SPATA17: variants seen among roughly 807,000 people sequenced by gnomAD.
SPATA17 encodes the protein spermatogenesis-associated protein 17.
In SPATA17, 53 loss-of-function variants were observed where a neutral mutation model predicts 62.2. The ratio of observed to expected loss-of-function variants is 0.85; its 90% CI spans 0.68 to 1.07. The LOEUF is 1.07. SPATA17 is among the 50% of genes least tolerant of loss of function. SPATA17 has a pLI of 0.00. For missense variants in SPATA17, 466 were observed against 425.5 expected, an observed-to-expected ratio of 1.10 and a Z score of -0.84; for synonymous variants, 146 against 146.8, an observed-to-expected ratio of 0.99 and a Z score of 0.04.
intron 3 of SPATA17, among the ~76,000 whole-genome samples, chr1:217,653,938 C>A (rs907646598): frequency 3.9e-5 from 6 of 151,960 alleles, no homozygotes; most frequent in East Asian, 1.9e-4. Context: ...ATTTTTATTT[C>A]ACATTTGGGT....
At chr1:217,763,856 T>A (rs895083240) in intron 6 of SPATA17, among the ~76,000 whole-genome samples, 2 of 152,124 alleles carry the variant, frequency 1.3e-5, no homozygotes, top group Non-Finnish European at 2.9e-5. Flanking sequence ...ATTCTCAGGT[T>A]TTTGACTTAA....
chr1:217,746,889 T>C (rs535058045), intron 6 of SPATA17, among the ~76,000 whole-genome samples: 1 of 152,072 alleles, frequency 6.6e-6, no homozygotes, highest in Non-Finnish European at 1.5e-5. Flanking sequence ...ATCAGAAAGC[T>C]GAATATGGTA....
intron 6 of SPATA17, among the ~76,000 whole-genome samples, chr1:217,755,188 G>A (rs1266153647): frequency 6.6e-6 from 1 of 152,044 alleles, no homozygotes; most frequent in East Asian, 1.9e-4. Flanking sequence ...TCATTTTGGT[G>A]TGATATGATT....
chr1:217,848,339 A>T (rs1424567712), intron 9 of SPATA17, among the ~76,000 whole-genome samples: 3 of 152,150 alleles, frequency 2.0e-5, no homozygotes, highest in African/African-American at 7.2e-5. Flanking sequence ...TTAGCCATTG[A>T]CCTTCAACTA....
At chr1:217,725,037 A>T (rs1672230403) in intron 5 of SPATA17, among the ~76,000 whole-genome samples, 1 of 152,132 alleles carries the variant, frequency 6.6e-6, no homozygotes, top group Admixed American at 6.5e-5. Flanking sequence ...TCTTCTTTGC[A>T]TGATTTTAAG....
At chr1:217,640,905 A>G (rs1571698248) in intron 1 of SPATA17, among the ~76,000 whole-genome samples, 1 of 152,136 alleles carries the variant, frequency 6.6e-6, no homozygotes, top group South Asian at 2.1e-4. Flanking sequence ...ATTACACATA[A>G]TAAGTGGTTA....
chr1:217,797,947 C>T (rs188609239), intron 8 of SPATA17, among the ~76,000 whole-genome samples: 20 of 152,246 alleles, frequency 1.3e-4, no homozygotes, highest in African/African-American at 4.3e-4. Flanking sequence ...TGGGATGACC[C>T]CTAGCAGCCC....
intron 5 of SPATA17, among the ~76,000 whole-genome samples, chr1:217,687,007 A>G (rs1671231286): frequency 6.6e-6 from 1 of 152,128 alleles, no homozygotes. Context: ...GCGTGAGCCA[A>G]CGTGTCCAGC....
In SPATA17 at chr1:217,867,050, G is replaced by A. The variant is rs766873306; in HGVS notation, c.*31G>A. ...TCAGAAGAAGAAACTGAAGCCATCT[G>A]CATTTTAAAACTTAACAGTTCTGAA... On this transcript the variant is annotated 3_prime_UTR_variant, in exon 11 of 11. Transcript: ENST00000366933. The A allele has an allele frequency of 2.6e-5, 4 of 151,988 alleles. No homozygotes were observed. Among genetic ancestry groups the A allele is most frequent in the Non-Finnish European group, 4.4e-5 (3 of 67,996 alleles). 9.4% of individuals were successfully genotyped at this position (151,988 alleles called of 1,614,324 possible).
intron 6 of SPATA17, among the ~76,000 whole-genome samples, chr1:217,744,889 T>C (rs1458450758): frequency 2.6e-5 from 4 of 152,158 alleles, no homozygotes; most frequent in African/African-American, 9.7e-5. Context: ...GTGATGAGGA[T>C]TAAATGTAAT....
In SPATA17 at chr1:217,647,725, A is replaced by T. The variant is rs868322770; in HGVS notation, c.69-1157A>T. 4.9e-3 allele frequency among the ~76,000 whole-genome samples: 733 copies of T among 148,612 alleles called. 6 individuals are homozygous for T. The highest frequency in any genetic ancestry group is 0.016 in the African/African-American group (642 of 40,672). On this transcript the variant is annotated intron_variant, in intron 1 of 10. Coordinates refer to ENST00000366933, the MANE Select transcript of SPATA17 (RefSeq NM_138796.4). ...CACTTTAGTCAAGCCTCTTTTTAAA[A>T]TTTTTTTTTTTATTTTGAGACAGAG...
At chr1:217,732,557 A>T (rs964774649) in intron 5 of SPATA17, among the ~76,000 whole-genome samples, 1 of 152,156 alleles carries the variant, frequency 6.6e-6, no homozygotes, top group African/African-American at 2.4e-5. Flanking sequence ...TAGTGGGTTG[A>T]TCCTCCTCCT....
At chr1:217,667,943 C>A (rs1311515120) in intron 3 of SPATA17, among the ~76,000 whole-genome samples, 1 of 152,210 alleles carries the variant, frequency 6.6e-6, no homozygotes, top group Admixed American at 6.5e-5. Context: ...GATAAATAAT[C>A]CAGCCCTGCT....
At chr1:217,654,283 A>G (rs550395214) in intron 3 of SPATA17, among the ~76,000 whole-genome samples, 16 of 151,732 alleles carry the variant, frequency 1.1e-4, no homozygotes, top group Non-Finnish European at 1.8e-4. Flanking sequence ...AATTACAGGG[A>G]CCTGCCATCA....
chr1:217,735,699 CCTT>C (rs1672497060), intron 5 of SPATA17, among the ~76,000 whole-genome samples: 1 of 152,040 alleles, frequency 6.6e-6, no homozygotes, highest in African/African-American at 2.4e-5. Context: ...ATCTATGAAG[CCTT>C]CTTACAGGAA....
chr1:217,777,299 G>A (rs1294966139), intron 7 of SPATA17, among the ~76,000 whole-genome samples: 1 of 152,054 alleles, frequency 6.6e-6, no homozygotes, highest in African/African-American at 2.4e-5. Context: ...CTGTCTTAGA[G>A]AAAGAGCTAT....
chr1:217,812,405 C>G lies in SPATA17; in HGVS notation c.1005+10555C>G, dbSNP rs887349640. ...TTAGAGCAAATAATACTATTTTTCT[C>G]AAAAGTATGAAAATCAATAATGAAA... On this transcript the variant is annotated intron_variant, in intron 9 of 10. Coordinates refer to ENST00000366933, the MANE Select transcript of SPATA17 (RefSeq NM_138796.4). 4.0e-5 allele frequency among the ~76,000 whole-genome samples: 6 copies of G among 151,860 alleles called. No homozygotes were observed. In the East Asian group the frequency reaches 1.2e-3, roughly 29 times the overall value.
rs1676047711 is a variant in SPATA17, at chr1:217,867,820, C to T, written c.*801C>T. 1 of 152,126 alleles carries T rather than the reference C, an allele frequency of 6.6e-6. No homozygotes were observed. The highest frequency in any genetic ancestry group is 1.5e-5 in the Non-Finnish European group (1 of 68,036). 9.4% of individuals were successfully genotyped at this position (152,126 alleles called of 1,614,324 possible). On this transcript the variant is annotated 3_prime_UTR_variant, in exon 11 of 11. Transcript: ENST00000366933. ...CAATAAAACTTCCTGCTAGAGGTATCCTGAGGGAATCTTTGTTTCTTGCAT... is the reference window on the plus strand; with the variant it reads ...CAATAAAACTTCCTGCTAGAGGTATTCTGAGGGAATCTTTGTTTCTTGCAT...
At chr1:217,750,481 G>A (rs1055077831) in intron 6 of SPATA17, among the ~76,000 whole-genome samples, 1 of 152,138 alleles carries the variant, frequency 6.6e-6, no homozygotes, top group African/African-American at 2.4e-5. Context: ...TATCAGTTGT[G>A]TCATTTTGCT....
Sources: allele counts gnomAD v4.1 joint callset (sites outside exome capture counted in the v4.1 genomes callset), GRCh38; gene constraint gnomAD v4.1.1; transcripts MANE v1.5; gene names NCBI Gene and HGNC (gene_info 2026-07-23, HGNC 2026-07-21).